DNAI4: variants seen among roughly 807,000 people sequenced by gnomAD.
DNAI4 encodes WD repeat domain 78.
In DNAI4, 85 loss-of-function variants were observed where a neutral mutation model predicts 105.8. The ratio of observed to expected loss-of-function variants is 0.80; its 90% CI spans 0.67 to 0.96. DNAI4 has a LOEUF of 0.96. Ranked by LOEUF, DNAI4 falls within the 40% of genes least tolerant of loss-of-function variation. The pLI, the probability that DNAI4 is intolerant of heterozygous loss-of-function variation, is 0.00. For missense variants in DNAI4, 1,014 were observed against 1,005.6 expected (o/e 1.01, Z -0.11); for synonymous variants, 352 against 331.5 (o/e 1.06, Z -0.67).
intron 8 of DNAI4, 148 bp downstream of exon 8, chr1:66,847,336 C>T (rs1646298151): frequency 1.1e-5 from 7 of 646,484 alleles, no homozygotes; most frequent in African/African-American, 1.9e-5. Context: ...CTCTGTCACC[C>T]AGGCTGGAGT....
At chr1:66,907,222 C>G (rs1649324851) in intron 1 of DNAI4, among the ~76,000 whole-genome samples, 2 of 152,136 alleles carry the variant, frequency 1.3e-5, no homozygotes, top group Admixed American at 1.3e-4. Flanking sequence ...CTGACCATTC[C>G]TTCTTAAAAT....
At chr1:66,863,201 G>A (rs1477600246) in intron 6 of DNAI4, among the ~76,000 whole-genome samples, 1 of 152,118 alleles carries the variant, frequency 6.6e-6, no homozygotes, top group Non-Finnish European at 1.5e-5. Context: ...GCTGATTTAT[G>A]TTTATGCAGC....
intron 4 of DNAI4, among the ~76,000 whole-genome samples, chr1:66,880,472 T>C (rs1647045645): frequency 6.6e-6 from 1 of 152,206 alleles, no homozygotes. Context: ...AATGAAGGGC[T>C]CGTTGGGAAC....
At chr1:66,905,734 A>G (rs1022121952) in intron 1 of DNAI4, among the ~76,000 whole-genome samples, 1 of 152,134 alleles carries the variant, frequency 6.6e-6, no homozygotes, top group African/African-American at 2.4e-5. Flanking sequence ...AAATGAGGAT[A>G]ATAACAGTAC....
Position 66,833,994 on chromosome 1 carries a change from AAC to A in DNAI4, c.1886_1887del (p.Cys629LeufsTer2). 1 of 1,586,856 alleles carries A rather than the reference AAC, an allele frequency of 6.3e-7. No individual in the cohort carries two copies. Among genetic ancestry groups the A allele is most frequent in the Non-Finnish European group, 8.5e-7 (1 of 1,172,866 alleles). Reference sequence around the variant, plus strand: ...TATAACTTGATTTTTCTTTTACCATAACAGTCTAGTCCTTTTCGTATAACCCA... The same window carrying A: ...TATAACTTGATTTTTCTTTTACCATAAGTCTAGTCCTTTTCGTATAACCCA... ...SKWVIRKGLD[C>X]YDLMRLKRTT... is the part of the protein sequence containing the mutation. On this transcript the variant is annotated frameshift_variant, in exon 12 of 17. Transcript: ENST00000371026. LOFTEE classifies it high-confidence loss of function.
chr1:66,841,604 T>C (rs1290057167), intron 8 of DNAI4, among the ~76,000 whole-genome samples: 1 of 152,150 alleles, frequency 6.6e-6, no homozygotes, highest in African/African-American at 2.4e-5. Flanking sequence ...ACTCCTGGCC[T>C]AAGCAATCCT....
chr1:66,914,312 T>TC (rs1649905382), intron 1 of DNAI4, among the ~76,000 whole-genome samples: 1 of 152,122 alleles, frequency 6.6e-6, no homozygotes, highest in South Asian at 2.1e-4. Flanking sequence ...GTCCTCTTTT[T>TC]CTCTATTTTT....
At chr1:66,913,806 C>T (rs1445342787) in intron 1 of DNAI4, among the ~76,000 whole-genome samples, 1 of 151,932 alleles carries the variant, frequency 6.6e-6, no homozygotes, top group African/African-American at 2.4e-5. Flanking sequence ...CATGGTGAAA[C>T]CCCATCTCTA....
At chr1:66,847,805 A>C (rs1646310461) in intron 7 of DNAI4, 127 bp from the exon 8 acceptor site, 1 of 729,830 alleles carries the variant, frequency 1.4e-6, no homozygotes, top group Admixed American at 3.1e-5. Context: ...ACTTTAATAG[A>C]CATTTATTGA....
intron 7 of DNAI4, among the ~76,000 whole-genome samples, chr1:66,853,493 A>G (rs1478522308): frequency 6.6e-6 from 1 of 152,258 alleles, no homozygotes; most frequent in African/African-American, 2.4e-5. Context: ...TGGGGGTACA[A>G]CACAGTTTCA....
At chr1:66,924,571 C>G in intron 1 of DNAI4, 91 bp downstream of exon 1, 6 of 1,576,770 alleles carry the variant, frequency 3.8e-6, no homozygotes, top group Non-Finnish European at 5.2e-6. Context: ...GGGTAGGGCC[C>G]CTTTCCAAAT....
chr1:66,857,704 T>C (rs964494300), intron 7 of DNAI4, among the ~76,000 whole-genome samples: 1 of 151,902 alleles, frequency 6.6e-6, no homozygotes, highest in Non-Finnish European at 1.5e-5. Context: ...CCGGCTGATT[T>C]TGAATTTTTA....
At chr1:66,856,187 A>T (rs2100573564) in intron 7 of DNAI4, among the ~76,000 whole-genome samples, 1 of 150,688 alleles carries the variant, frequency 6.6e-6, no homozygotes, top group South Asian at 2.2e-4. Flanking sequence ...TAACACTTAT[A>T]GGCGGGGCAC....
chr1:66,863,864 G>C (rs898572703), intron 6 of DNAI4, among the ~76,000 whole-genome samples: 5 of 152,052 alleles, frequency 3.3e-5, no homozygotes, highest in African/African-American at 9.7e-5. Context: ...AGTATATTTT[G>C]CTCAGTTGAA....
intron 8 of DNAI4, among the ~76,000 whole-genome samples, chr1:66,845,262 G>T (rs1330107523): frequency 7.8e-6 from 1 of 128,442 alleles, no homozygotes; most frequent in African/African-American, 3.0e-5. Flanking sequence ...ATTGGTAAGA[G>T]ACTTGACCAA....
chr1:66,820,158 G>T (rs1645595803), intron 16 of DNAI4, among the ~76,000 whole-genome samples: 1 of 151,844 alleles, frequency 6.6e-6, no homozygotes, highest in African/African-American at 2.4e-5. Flanking sequence ...TGTGAGAAAT[G>T]AAAACATGTT....
intron 6 of DNAI4, 78 bp from the exon 7 acceptor site, chr1:66,862,380 G>A: frequency 7.0e-7 from 1 of 1,431,350 alleles, no homozygotes; most frequent in Non-Finnish European, 9.5e-7. Flanking sequence ...ACTAGTCACA[G>A]AAAAAGCTAA....
At chr1:66,913,844 T>A (rs1037868592) in intron 1 of DNAI4, among the ~76,000 whole-genome samples, 1 of 152,000 alleles carries the variant, frequency 6.6e-6, no homozygotes, top group African/African-American at 2.4e-5. Context: ...TAGCCAGGCG[T>A]GGTGGCGGGC....
chr1:66,909,620 G>A (rs552855492), intron 1 of DNAI4, among the ~76,000 whole-genome samples: 2 of 151,612 alleles, frequency 1.3e-5, no homozygotes, highest in African/African-American at 2.4e-5. Context: ...CTAATGCCAT[G>A]ATTTAAAAGT....
Sources: allele counts gnomAD v4.1 joint callset (sites outside exome capture counted in the v4.1 genomes callset), GRCh38; gene constraint gnomAD v4.1.1; transcripts MANE v1.5; gene names NCBI Gene and HGNC (gene_info 2026-07-23, HGNC 2026-07-21).